DCAF6: variants seen among roughly 807,000 people sequenced by gnomAD.
DCAF6 encodes DDB1 and CUL4 associated factor 6.
DCAF6 carries 54 observed loss-of-function variants against 125.1 expected under a neutral mutation model. The observed-to-expected ratio is 0.43, with a 90% CI of 0.35 to 0.54. The LOEUF (loss-of-function observed/expected upper bound fraction) is 0.54. Among genes scored for constraint, DCAF6 ranks in the 20% least tolerant of loss-of-function variants. The pLI is 0.01. For synonymous variants in DCAF6, 371 were observed against 390.4 expected (o/e 0.95, Z 0.58); for missense variants, 934 against 1,161.7 (o/e 0.80, Z 2.85).
At chr1:167,905,758 G>C in the DCAF6 span, among the ~76,000 whole-genome samples, 2 of 152,152 alleles carry the variant, frequency 1.3e-5, no homozygotes, top group Non-Finnish European at 2.9e-5. Flanking sequence ...GTGTGTGTGT[G>C]TGTGGCAGCT....
intron 14 of DCAF6, 100 bp downstream of exon 14, chr1:168,043,240 A>G (rs1688773792): frequency 1.1e-6 from 1 of 918,586 alleles, no homozygotes; most frequent in Admixed American, 2.2e-5. Flanking sequence ...CTTGTTTTTA[A>G]TAAATTACTT....
chr1:168,042,789 C>A, intron 13 of DCAF6: 2 of 358,642 alleles, frequency 5.6e-6, no homozygotes, highest in Non-Finnish European at 1.0e-5. Context: ...TGAAAGGATC[C>A]AAACAGTGAA....
intron 12 of DCAF6, among the ~76,000 whole-genome samples, chr1:168,037,202 T>C (rs1416038720): frequency 1.3e-5 from 2 of 149,828 alleles, no homozygotes; most frequent in African/African-American, 5.1e-5. Context: ...TGAGATTCTC[T>C]TAATGTGTGC....
chr1:167,953,922 A>G (rs936025052), intron 2 of DCAF6, among the ~76,000 whole-genome samples: 1 of 152,028 alleles, frequency 6.6e-6, no homozygotes, highest in Non-Finnish European at 1.5e-5. Flanking sequence ...AAGTTTAAAC[A>G]TACCTTTGTT....
At chr1:167,892,864 T>G in the DCAF6 span, among the ~76,000 whole-genome samples, 1 of 152,212 alleles carries the variant, frequency 6.6e-6, no homozygotes, top group Non-Finnish European at 1.5e-5. Flanking sequence ...AGAAGTCAGA[T>G]AGACCAGGGT....
chr1:168,043,253 G>C, intron 14 of DCAF6, 113 bp downstream of exon 14: 1 of 807,500 alleles, frequency 1.2e-6, no homozygotes, highest in Non-Finnish European at 2.0e-6. Flanking sequence ...AATTACTTTT[G>C]CTTCTATAGT....
intron 4 of DCAF6, among the ~76,000 whole-genome samples, chr1:167,982,290 G>A (rs111666242): frequency 0.085 from 12,859 of 152,040 alleles, 618 homozygotes; most frequent in Middle Eastern, 0.1. Flanking sequence ...TCGCCAGGCT[G>A]GAGTGCAGTG....
chr1:167,957,007 C>G (rs931374919), intron 2 of DCAF6, among the ~76,000 whole-genome samples: 1 of 152,156 alleles, frequency 6.6e-6, no homozygotes, highest in Admixed American at 6.5e-5. Context: ...TTCTTGTACA[C>G]TTAAAAAATG....
chr1:167,864,002 G>C, the DCAF6 span, among the ~76,000 whole-genome samples: 1 of 152,186 alleles, frequency 6.6e-6, no homozygotes, highest in South Asian at 2.1e-4. Context: ...CTCCATTTGA[G>C]TGGAAGCATG....
At chr1:168,031,525 G>A (rs1572018048) in intron 12 of DCAF6, among the ~76,000 whole-genome samples, 1 of 152,170 alleles carries the variant, frequency 6.6e-6, no homozygotes, top group African/African-American at 2.4e-5. Flanking sequence ...AAATGGAAAT[G>A]AGAAGAAAAG....
the DCAF6 span, among the ~76,000 whole-genome samples, chr1:167,929,950 A>G: frequency 6.6e-6 from 1 of 152,138 alleles, no homozygotes; most frequent in African/African-American, 2.4e-5. Context: ...AATTCCTTAC[A>G]TTACACAAGT....
intron 2 of DCAF6, 62 bp downstream of exon 2, chr1:167,951,923 G>T: frequency 1.9e-6 from 2 of 1,073,270 alleles, no homozygotes; most frequent in African/African-American, 1.6e-5. Context: ...AGTGTTTGAT[G>T]AAATGTCCCA....
At chr1:167,884,281 T>C in the DCAF6 span, among the ~76,000 whole-genome samples, 4 of 152,302 alleles carry the variant, frequency 2.6e-5, no homozygotes, top group East Asian at 1.9e-4. Context: ...ACTTATAATA[T>C]GGCAGAAGAC....
chr1:167,870,441 C>T, the DCAF6 span: 120,799 of 1,561,530 alleles, frequency 0.077, 5,196 homozygotes, highest in Middle Eastern at 0.14. Flanking sequence ...AAAGAGCAAA[C>T]TCAATCAACG....
upstream of DCAF6, among the ~76,000 whole-genome samples, chr1:167,931,223 C>T (rs1024079478): frequency 6.6e-6 from 1 of 152,310 alleles, no homozygotes; most frequent in East Asian, 1.9e-4. Flanking sequence ...TGAGCTACCG[C>T]GCCCAGCTGA....
At chr1:167,918,428 G>A in the DCAF6 span, 73 of 970,212 alleles carry the variant, frequency 7.5e-5, 1 homozygote, top group East Asian at 1.8e-3. Context: ...GGAGAGAATG[G>A]GAAGCATACT....
the DCAF6 span, among the ~76,000 whole-genome samples, chr1:167,865,149 T>G: frequency 3.9e-5 from 6 of 152,306 alleles, no homozygotes; most frequent in South Asian, 1.2e-3. Context: ...ACAGTTTATG[T>G]GCAAGGTGCA....
chr1:167,939,583 G>A (rs1327315338), intron 1 of DCAF6, among the ~76,000 whole-genome samples: 1 of 152,142 alleles, frequency 6.6e-6, no homozygotes, highest in Non-Finnish European at 1.5e-5. Flanking sequence ...CCAACATGGT[G>A]AAACCCTGGT....
the DCAF6 span, among the ~76,000 whole-genome samples, chr1:167,925,516 C>A: frequency 3.4e-5 from 4 of 116,370 alleles, no homozygotes; most frequent in Admixed American, 8.9e-5. Context: ...CACATACAAA[C>A]AACGTTTTTT....
Sources: allele counts gnomAD v4.1 joint callset (sites outside exome capture counted in the v4.1 genomes callset), GRCh38; gene constraint gnomAD v4.1.1; transcripts MANE v1.5; gene names NCBI Gene and HGNC (gene_info 2026-07-23, HGNC 2026-07-21).